AMOTL1: variants seen among roughly 807,000 people sequenced by gnomAD.
AMOTL1 encodes the protein angiomotin like 1.
A neutral mutation model predicts 102.9 loss-of-function variants in AMOTL1; 45 were observed. The ratio of observed to expected loss-of-function variants is 0.44; its 90% CI spans 0.34 to 0.56. AMOTL1 has a LOEUF of 0.56. Ranked by LOEUF, AMOTL1 falls within the 20% of genes least tolerant of loss-of-function variation. AMOTL1 has a pLI of 0.01. For synonymous variants in AMOTL1, 481 were observed against 484.7 expected, an observed-to-expected ratio of 0.99 and a Z score of 0.10; for missense variants, 1,114 against 1,225.6, an observed-to-expected ratio of 0.91 and a Z score of 1.36.
chr11:94,725,323 T>G lies in AMOTL1; in HGVS notation c.-50-3598T>G, dbSNP rs149145600. 6.1e-4 allele frequency among the ~76,000 whole-genome samples: 93 copies of G among 152,122 alleles called. No individual in the cohort carries two copies. The Middle Eastern group carries it at 0.01, about 17-fold the overall frequency. On this transcript the variant is annotated intron_variant, in intron 1 of 4. Coordinates refer to the AMOTL1 transcript ENST00000299004. ...AAGCATAGGCAGCTTGGGTGTGGTTTTGAGATGGAGAAATTTCCAGAGAAG... is the reference window on the plus strand; with the variant it reads ...AAGCATAGGCAGCTTGGGTGTGGTTGTGAGATGGAGAAATTTCCAGAGAAG...
rs1275185558 is a variant in AMOTL1 at position 94,850,207 on chromosome 11, T to A, written c.1742T>A (p.Leu581Gln). Reference protein sequence around the residue: ...SEDHRRHIEILDQALSNAQAR... With the variant: ...SEDHRRHIEIQDQALSNAQAR... ...GACCATCGGAGACACATCGAGATCC[T>A]GGACCAGGCTTTGAGCAACGCCCAG... The change falls in exon 7 of 13, where the codon CTG becomes CAG. Residue 581 changes from leucine to glutamine, a missense_variant. Coordinates refer to ENST00000433060, the MANE Select transcript of AMOTL1 (RefSeq NM_130847.3). 1.3e-6 allele frequency: 2 copies of A among 1,595,772 alleles called. No individual in the cohort carries two copies. Among genetic ancestry groups the A allele is most frequent in the Non-Finnish European group, 1.7e-6 (2 of 1,170,938 alleles).
At chr11:94,810,354 A>G (rs73516140) in intron 3 of AMOTL1, among the ~76,000 whole-genome samples, 3,329 of 152,270 alleles carry the variant, frequency 0.022, 125 homozygotes, top group African/African-American at 0.077. Context: ...CTCCAAAAAG[A>G]GAACTAGTAT....
rs117630864 is a variant in AMOTL1 at position 94,806,106 on chromosome 11, C to G, written c.1121+5795C>G. 5.9e-3 allele frequency among the ~76,000 whole-genome samples: 897 copies of G among 152,240 alleles called. 8 individuals are homozygous for G. Among genetic ancestry groups the G allele is most frequent in the Non-Finnish European group, 9.7e-3 (659 of 68,028 alleles). On this transcript the variant is annotated intron_variant, in intron 3 of 12. Coordinates refer to ENST00000433060, the MANE Select transcript of AMOTL1 (RefSeq NM_130847.3). ...GCACTGACATTCTCTGGGTACATGCCCACTGACAGTGCAGGGAGGAGGGAC... is the reference window on the plus strand; with the variant it reads ...GCACTGACATTCTCTGGGTACATGCGCACTGACAGTGCAGGGAGGAGGGAC...
intron 6 of AMOTL1, among the ~76,000 whole-genome samples, chr11:94,840,547 A>G (rs1952275529): frequency 6.6e-6 from 1 of 151,676 alleles, no homozygotes; most frequent in South Asian, 2.1e-4. Flanking sequence ...GTCCTAGCAT[A>G]AACAACTTTT....
rs1370847541 is a variant in AMOTL1, at chr11:94,827,948, A to G, written c.1414-2102A>G. On this transcript the variant is annotated intron_variant, in intron 4 of 12. Transcript: ENST00000433060. ...GCGTGAATGCTTTTTTGGCCTTCTA[A>G]TCTTCTGTTTACCTCCCTGAGTGGT... Among the ~76,000 whole-genome samples, 4 of 151,884 alleles carry G rather than the reference A, an allele frequency of 2.6e-5. No individual in the cohort carries two copies. In the East Asian group the frequency reaches 5.8e-4, roughly 22 times the overall value.
chr11:94,851,682 A>G (rs1952542198), intron 7 of AMOTL1, among the ~76,000 whole-genome samples: 1 of 152,194 alleles, frequency 6.6e-6, no homozygotes, highest in Admixed American at 6.5e-5. Context: ...TCTCATCTCT[A>G]ATGGAGATAA....
At position 94,768,431 on chromosome 11, in the gene AMOTL1, T is replaced by C. The variant is rs2135510646; in HGVS notation, c.-81T>C. On this transcript the variant is annotated 5_prime_UTR_variant, in exon 1 of 13. Transcript: ENST00000433060. ...GAGGTGAAGCCCTGTGTGAATGGGG[T>C]TGATTGTCCGGCGCCACTTCCCCGC... is the stretch of plus-strand genomic sequence containing the variant. 2.6e-6 allele frequency: 4 copies of C among 1,539,572 alleles called. No homozygotes were observed. Among genetic ancestry groups the C allele is most frequent in the Middle Eastern group, 1.7e-4 (1 of 5,948 alleles).
At chr11:94,723,059 T>G (rs1026617064) in intron 1 of AMOTL1, among the ~76,000 whole-genome samples, 14 of 152,170 alleles carry the variant, frequency 9.2e-5, no homozygotes, top group African/African-American at 3.4e-4. Context: ...GATTTAACCC[T>G]GCTTTATGTG....
At position 94,870,731 on chromosome 11, in the gene AMOTL1, G is replaced by A. The variant is rs146288412; in HGVS notation, c.2807G>A (p.Arg936Gln). The A allele has an allele frequency of 2.2e-5, 36 of 1,604,608 alleles. No homozygotes were observed. In the East Asian group the frequency reaches 3.4e-4, roughly 15 times the overall value. ...GGGAAGTCGCCTGACCACAGAGGCC[G>A]GGTCAGCAGCTTGCTGCACAAGCCC... ...GHGKSPDHRGRVSSLLHKPEF... is the reference protein window; with the variant it reads ...GHGKSPDHRGQVSSLLHKPEF... Residue 936 changes from arginine (R) to glutamine (Q), a missense_variant, in exon 13 of 13, where the codon CGG (arginine) becomes CAG (glutamine). Physicochemically the swap from Arg to Gln is conservative, Grantham distance 43. Transcript: ENST00000433060.
chr11:94,802,963 G>T (rs760052266), intron 3 of AMOTL1, among the ~76,000 whole-genome samples: 8 of 152,180 alleles, frequency 5.3e-5, no homozygotes, highest in East Asian at 1.9e-4. Flanking sequence ...GTCATTGATC[G>T]TGATGGTTTA....
At position 94,831,452 on chromosome 11, in the gene AMOTL1, A is replaced by G. The variant is rs764848144; in HGVS notation, c.1559A>G (p.Asp520Gly). ...GTAATCATTTCCTCTTTGTTCATAG[A>G]TCGACTAGAGACTGCTAACAGGCAA... ...RLHDFNRDLR[D>G]RLETANRQLS... Residue 520 changes from aspartate (D) to glycine (G), a missense_variant and splice_region_variant, in exon 6 of 13, where the codon GAT becomes GGT. Physicochemically the swap from Asp to Gly is moderately conservative, Grantham distance 94 (BLOSUM62 -1). Transcript: ENST00000433060. 7.4e-6 allele frequency: 12 copies of G among 1,611,376 alleles called. No individual in the cohort carries two copies. Among genetic ancestry groups the G allele is most frequent in the Admixed American group, 1.7e-5 (1 of 59,628 alleles).
intron 2 of AMOTL1, among the ~76,000 whole-genome samples, chr11:94,731,505 G>T (rs190752915): frequency 1.6e-4 from 25 of 152,318 alleles, no homozygotes; most frequent in Non-Finnish European, 2.6e-4. Flanking sequence ...GAAGTAGGAT[G>T]AGGATACTGG....
chr11:94,735,713 CCT>C (rs1950429528), intron 2 of AMOTL1, among the ~76,000 whole-genome samples: 1 of 152,022 alleles, frequency 6.6e-6, no homozygotes, highest in African/African-American at 2.4e-5. Context: ...CTTAAAAATT[CCT>C]ACTAGGACAC....
At chr11:94,710,269 AG>A (rs374644380) in intron 1 of AMOTL1, among the ~76,000 whole-genome samples, 36 of 152,330 alleles carry the variant, frequency 2.4e-4, no homozygotes, top group African/African-American at 8.4e-4. Flanking sequence ...CCATGAGAAA[AG>A]AGTAGCAAAG....
intron 12 of AMOTL1, among the ~76,000 whole-genome samples, chr11:94,869,676 T>G (rs1952955682): frequency 6.6e-6 from 1 of 152,214 alleles, no homozygotes; most frequent in Non-Finnish European, 1.5e-5. Flanking sequence ...TTTATTACTA[T>G]TTGAAATGAG....
intron 1 of AMOTL1, among the ~76,000 whole-genome samples, chr11:94,712,917 A>G (rs1950041133): frequency 6.6e-6 from 1 of 151,918 alleles, no homozygotes; most frequent in East Asian, 1.9e-4. Flanking sequence ...GCCTAGCCCC[A>G]GTTCCCAAAT....
At position 94,869,380 on chromosome 11, in the gene AMOTL1, G is replaced by A. The variant is rs912368715; in HGVS notation, c.2671G>A (p.Ala891Thr). The A allele has an allele frequency of 4.4e-6, 7 of 1,608,000 alleles. No homozygotes were observed. Among genetic ancestry groups the A allele is most frequent in the Non-Finnish European group, 5.9e-6 (7 of 1,177,558 alleles). The part of the protein sequence containing the change: ...KSAELFWPSM[A>T]SLPSRGRLST... ...TGCCGAGCTCTTCTGGCCCAGCATGGCCTCCCTTCCCAGCCGCGGCCGGCT... is the reference window on the plus strand; with the variant it reads ...TGCCGAGCTCTTCTGGCCCAGCATGACCTCCCTTCCCAGCCGCGGCCGGCT... Residue 891 changes from alanine (A) to threonine (T), a missense_variant, in exon 12 of 13, where the codon GCC becomes ACC. Transcript: ENST00000433060.
intron 6 of AMOTL1, among the ~76,000 whole-genome samples, chr11:94,845,330 C>T (rs906923753): frequency 6.6e-6 from 1 of 152,198 alleles, no homozygotes; most frequent in African/African-American, 2.4e-5. Context: ...TTTCCTCAAG[C>T]AAGGGAGACT....
At chr11:94,760,036 T>C (rs1381724536) in intron 3 of AMOTL1, among the ~76,000 whole-genome samples, 3 of 152,210 alleles carry the variant, frequency 2.0e-5, no homozygotes, top group Non-Finnish European at 2.9e-5. Flanking sequence ...GGCCCTGCAA[T>C]CTGTGTTTTA....
Sources: gnomAD v4.1 joint callset for allele counts (sites outside exome capture counted in the v4.1 genomes callset) on GRCh38, gnomAD v4.1.1 for gene constraint, MANE v1.5 for transcripts, NCBI Gene and HGNC (gene_info 2026-07-23, HGNC 2026-07-21) for gene names.